The following ANO2 variants were observed in gnomAD, a reference collection of about 807,000 sequenced individuals.
The protein encoded by ANO2 is anoctamin-2.
ANO2 carries 101 observed loss-of-function variants against 124.2 expected under a neutral mutation model. That is an observed-to-expected ratio of 0.81 (90% CI 0.69 to 0.96). The LOEUF (loss-of-function observed/expected upper bound fraction) is 0.96, where lower values mean the gene tolerates loss of function less well. Ranked by LOEUF, ANO2 falls within the 40% of genes least tolerant of loss-of-function variation. The pLI, the probability that ANO2 is intolerant of heterozygous loss-of-function variation, is 0.00. For missense variants in ANO2, 1,293 were observed against 1,274.5 expected (o/e 1.01, Z -0.22); for synonymous variants, 486 against 482.5 (o/e 1.01, Z -0.09).
intron 7 of ANO2, 63 bp from the exon 8 acceptor site, chr12:5,807,431 GT>G: frequency 7.0e-7 from 1 of 1,419,164 alleles, no homozygotes; most frequent in South Asian, 1.3e-5. Context: ...CTTAACCCCT[GT>G]TTTTTGATAA....
chr12:5,693,064 T>C (rs1949013395), intron 14 of ANO2, among the ~76,000 whole-genome samples: 1 of 152,102 alleles, frequency 6.6e-6, no homozygotes, highest in Non-Finnish European at 1.5e-5. Context: ...ATCCCATCTC[T>C]AAACTTCAAA....
intron 14 of ANO2, among the ~76,000 whole-genome samples, chr12:5,704,993 A>T (rs1250818083): frequency 6.6e-6 from 1 of 152,222 alleles, no homozygotes; most frequent in African/African-American, 2.4e-5. Context: ...GGTCAGAAAC[A>T]TAATTTCACT....
chr12:5,739,857 G>A, intron 12 of ANO2: 1 of 455,970 alleles, frequency 2.2e-6, no homozygotes, highest in Non-Finnish European at 4.4e-6. Flanking sequence ...CCTCATTTGG[G>A]CCCTAATCAT....
chr12:5,907,135 G>A (rs78120169), intron 3 of ANO2, among the ~76,000 whole-genome samples: 6,670 of 152,236 alleles, frequency 0.044, 504 homozygotes, highest in African/African-American at 0.15. Context: ...CCCCGGTCTC[G>A]GATCTCCTGC....
rs535083712 is a variant in ANO2, at chr12:5,879,599, G to A, written c.535-25458C>T. The stretch of plus-strand genomic sequence containing the variant: ...TGCAGGGTGCAATACAAGTGGGGAA[G>A]AGGAAACCTAAGGGGTCAAAGAAGA... On this transcript the variant is annotated intron_variant, in intron 3 of 24. Transcript: ENST00000682330. Among the ~76,000 whole-genome samples, 8 of 152,346 alleles carry A rather than the reference G, an allele frequency of 5.3e-5. 1 individual carries two copies. In the South Asian group the frequency reaches 1.7e-3, roughly 32 times the overall value.
chr12:5,596,496 T>C (rs1468632012), intron 20 of ANO2, among the ~76,000 whole-genome samples: 1 of 152,170 alleles, frequency 6.6e-6, no homozygotes, highest in African/African-American at 2.4e-5. Context: ...ATTCCAGGTA[T>C]AAGATTGTTT....
chr12:5,601,324 A>G (rs1474297381), intron 19 of ANO2, among the ~76,000 whole-genome samples: 1 of 152,226 alleles, frequency 6.6e-6, no homozygotes, highest in Non-Finnish European at 1.5e-5. Context: ...TCCTATTATC[A>G]TCTTTATCAC....
At chr12:5,690,630 T>A (rs1420485736) in intron 14 of ANO2, among the ~76,000 whole-genome samples, 1 of 152,086 alleles carries the variant, frequency 6.6e-6, no homozygotes, top group African/African-American at 2.4e-5. Context: ...ACCTTAAGCA[T>A]CCCAAGTATC....
Position 5,592,455 on chromosome 12 carries a change from C to T in ANO2, c.2233+7029G>A, listed in dbSNP as rs145251514. Among the ~76,000 whole-genome samples, 65 of 152,090 alleles carry T rather than the reference C, an allele frequency of 4.3e-4. 1 individual carries two copies. In the South Asian group the frequency reaches 1.0e-2, roughly 23 times the overall value. On this transcript the variant is annotated intron_variant, in intron 20 of 24. Transcript: ENST00000682330. ...GGCGACATGGCATAGGCAAATTGGA[C>T]GTGAGAGTGTGAGATAACCAGATAC...
At chr12:5,852,427 T>A (rs1565723200) in intron 4 of ANO2, among the ~76,000 whole-genome samples, 1 of 152,224 alleles carries the variant, frequency 6.6e-6, no homozygotes, top group Non-Finnish European at 1.5e-5. Context: ...CTAATATTAA[T>A]GTTTGTGTTT....
At chr12:5,570,340 A>G (rs1355477249) in intron 23 of ANO2, among the ~76,000 whole-genome samples, 1 of 152,186 alleles carries the variant, frequency 6.6e-6, no homozygotes, top group East Asian at 1.9e-4. Context: ...TGTTGGAAGG[A>G]TGCCTGGGGT....
chr12:5,564,530 C>T (rs547669325), intron 24 of ANO2: 6 of 152,418 alleles, frequency 3.9e-5, no homozygotes, highest in African/African-American at 1.2e-4. Context: ...TTGAACCCTA[C>T]ATGTTCCTAG....
chr12:5,572,979 G>A lies in ANO2; in HGVS notation c.2621+2855C>T, dbSNP rs567707741. On this transcript the variant is annotated intron_variant, in intron 23 of 24. Transcript: ENST00000682330. The stretch of plus-strand genomic sequence containing the variant: ...CCAGTGACTCTGAAGGCAGATACAA[G>A]AAAGCTCAATCTGATCCACACATAT... Among the ~76,000 whole-genome samples the A allele has an allele frequency of 1.1e-3, 174 of 152,240 alleles. 3 individuals are homozygous for A. Among genetic ancestry groups the A allele is most frequent in the Middle Eastern group, 0.01 (3 of 294 alleles).
intron 7 of ANO2, among the ~76,000 whole-genome samples, chr12:5,816,062 G>A (rs1953599271): frequency 1.3e-5 from 2 of 151,850 alleles, no homozygotes; most frequent in African/African-American, 4.8e-5. Context: ...CAAAAGAAAT[G>A]ACCATACAAA....
chr12:5,641,291 T>C (rs1248172417), intron 15 of ANO2, among the ~76,000 whole-genome samples: 2 of 152,046 alleles, frequency 1.3e-5, no homozygotes, highest in Non-Finnish European at 2.9e-5. Flanking sequence ...AGTTAATGGG[T>C]GCAGCAAAGC....
chr12:5,644,865 G>A (rs1946549791), intron 15 of ANO2, among the ~76,000 whole-genome samples: 1 of 152,146 alleles, frequency 6.6e-6, no homozygotes, highest in South Asian at 2.1e-4. Flanking sequence ...TTTGTTTTCA[G>A]CACGTGAAGA....
At chr12:5,705,280 G>C (rs1033446562) in intron 14 of ANO2, among the ~76,000 whole-genome samples, 1 of 151,986 alleles carries the variant, frequency 6.6e-6, no homozygotes. Context: ...CACGGCAAGA[G>C]AGGAGAAAAA....
rs1944413585 is a variant in ANO2 at position 5,610,041 on chromosome 12, ATAAATATAT to A, written c.2087+2606_2087+2614del. On this transcript the variant is annotated intron_variant, in intron 19 of 24. Coordinates refer to ENST00000682330, the MANE Select transcript of ANO2 (RefSeq NM_001364791.2). ...TAATATATTTATATTATAGATAAAT[ATAAATATAT>A]TATATATAAATATTTATGTTATATA... Among the ~76,000 whole-genome samples the A allele has an allele frequency of 2.9e-5, 4 of 137,732 alleles. No individual in the cohort carries two copies. In the South Asian group the frequency reaches 8.6e-4, roughly 29 times the overall value. The allele number at this position is 137,732 out of a possible 152,430, so 90.4% of individuals were successfully genotyped here. A position where few individuals can be genotyped will look rare whatever the true frequency, so the allele number is the denominator to read the frequency against.
In ANO2 at chr12:5,808,715, G is replaced by A. The variant is rs563754193; in HGVS notation, c.893-1347C>T. Among the ~76,000 whole-genome samples, 8 of 152,250 alleles carry A rather than the reference G, an allele frequency of 5.3e-5. No homozygotes were observed. In the East Asian group the frequency reaches 7.7e-4, roughly 15 times the overall value. ...ATTTGCATGGCTCTGAATAAACGCC[G>A]AGGTTGGATAACAAATCTAGACAAC... On this transcript the variant is annotated intron_variant, in intron 7 of 24. Transcript: ENST00000682330.
Sources: allele counts gnomAD v4.1 joint callset (sites outside exome capture counted in the v4.1 genomes callset), GRCh38; gene constraint gnomAD v4.1.1; transcripts MANE v1.5; gene names NCBI Gene and HGNC (gene_info 2026-07-23, HGNC 2026-07-21).